Variants in ABCA13 observed in about 807,000 individuals in gnomAD.
The protein encoded by ABCA13 is ATP-binding cassette sub-family A member 13.
Under a neutral mutation model 478.7 loss-of-function variants are expected in ABCA13, and 476 were observed. That is an observed-to-expected ratio of 0.99 (90% confidence interval 0.92 to 1.07). The LOEUF (loss-of-function observed/expected upper bound fraction) is 1.07, where lower values mean the gene tolerates loss of function less well. Ranked by LOEUF, ABCA13 falls within the 50% of genes least tolerant of loss-of-function variation. The pLI is 0.00. For synonymous variants in ABCA13, 2,252 were observed against 2,158.9 expected (o/e 1.04, Z -1.20); for missense variants, 6,060 against 5,910.6 (o/e 1.03, Z -0.83).
chr7:48,476,537 C>T (rs558324781), intron 45 of ABCA13, among the ~76,000 whole-genome samples: 46 of 150,784 alleles, frequency 3.1e-4, no homozygotes, highest in African/African-American at 9.8e-4. Context: ...GGTTGGGGAG[C>T]GGGGAGCTAG....
intron 59 of ABCA13, among the ~76,000 whole-genome samples, chr7:48,630,450 A>G (rs1442025654): frequency 6.6e-6 from 1 of 152,124 alleles, no homozygotes; most frequent in Non-Finnish European, 1.5e-5. Flanking sequence ...AGTTAGGTTA[A>G]TGGGCCCCAG....
At chr7:48,194,492 G>T (rs947533909) in intron 2 of ABCA13, among the ~76,000 whole-genome samples, 4 of 152,034 alleles carry the variant, frequency 2.6e-5, no homozygotes, top group African/African-American at 9.7e-5. Flanking sequence ...ACTATTACTG[G>T]TAACTTCCTG....
intron 57 of ABCA13, among the ~76,000 whole-genome samples, chr7:48,592,743 A>T (rs1435799876): frequency 6.6e-6 from 1 of 151,986 alleles, no homozygotes; most frequent in East Asian, 1.9e-4. Context: ...TTTGCATTAC[A>T]TATATAGTAC....
At chr7:48,182,791 G>A (rs1331857081) in intron 1 of ABCA13, among the ~76,000 whole-genome samples, 1 of 152,120 alleles carries the variant, frequency 6.6e-6, no homozygotes, top group African/African-American at 2.4e-5. Context: ...TGGAAGCCTC[G>A]ACTCCTAACT....
chr7:48,545,825 T>C (rs979807893), intron 55 of ABCA13, among the ~76,000 whole-genome samples: 2 of 149,224 alleles, frequency 1.3e-5, no homozygotes, highest in Non-Finnish European at 3.0e-5. Context: ...AAACAAATGA[T>C]GTACTGCTAA....
chr7:48,383,554 G>A (rs745539329), intron 35 of ABCA13, among the ~76,000 whole-genome samples: 14 of 152,184 alleles, frequency 9.2e-5, no homozygotes, highest in Non-Finnish European at 2.1e-4. Flanking sequence ...GACTTCATTT[G>A]GAACAGGCAA....
At position 48,528,300 on chromosome 7, in the gene ABCA13, A is replaced by G. The variant is rs1833010347; in HGVS notation, c.14309A>G (p.Glu4770Gly). 6.3e-7 allele frequency: 1 copy of G among 1,575,690 alleles called. No individual in the cohort carries two copies. The highest frequency in any genetic ancestry group is 1.3e-5 in the African/African-American group (1 of 74,340). ...KSTTFKMLNG[E>G]VSLTSGHAII... ...ACGACTTTCAAAATGCTGAATGGTGAAGTTTCTCTAACTTCAGGACATGCT... is the reference window on the plus strand; with the variant it reads ...ACGACTTTCAAAATGCTGAATGGTGGAGTTTCTCTAACTTCAGGACATGCT... The change falls in exon 55 of 62, where the codon GAA (glutamate) becomes GGA (glycine). Residue 4770 changes from glutamate to glycine, a missense_variant. Physicochemically the swap from Glu to Gly is moderately conservative, Grantham distance 98. Around this residue, in one of 3 missense-constraint regions of ABCA13, gnomAD observed 1,627 missense variants for 1,571.0 expected, o/e 1.04. Coordinates refer to ENST00000435803, the MANE Select transcript of ABCA13 (RefSeq NM_152701.5).
intron 55 of ABCA13, among the ~76,000 whole-genome samples, chr7:48,556,694 T>C (rs955047964): frequency 6.6e-6 from 1 of 152,032 alleles, no homozygotes; most frequent in Admixed American, 6.6e-5. Context: ...TCTATGTGTA[T>C]TTTTATAGGA....
At chr7:48,557,976 C>T (rs1196547014) in intron 55 of ABCA13, among the ~76,000 whole-genome samples, 1 of 151,982 alleles carries the variant, frequency 6.6e-6, no homozygotes, top group Non-Finnish European at 1.5e-5. Flanking sequence ...TATATGCGTG[C>T]TTCATTCTTG....
intron 54 of ABCA13, among the ~76,000 whole-genome samples, chr7:48,526,832 A>G (rs1251207482): frequency 6.6e-6 from 1 of 152,198 alleles, no homozygotes; most frequent in East Asian, 1.9e-4. Context: ...CTAGAAATTA[A>G]TAATCAGTTA....
At chr7:48,476,771 A>T (rs1337814218) in intron 45 of ABCA13, among the ~76,000 whole-genome samples, 1 of 152,176 alleles carries the variant, frequency 6.6e-6, no homozygotes, top group Admixed American at 6.5e-5. Flanking sequence ...ATATATGACC[A>T]GGTAAGTGAG....
chr7:48,376,593 A>G (rs754743625), intron 35 of ABCA13, 21 bp downstream of exon 35: 1 of 1,609,872 alleles, frequency 6.2e-7, no homozygotes. Context: ...TGCCTTTTGT[A>G]AGATAACACA....
chr7:48,438,884 G>GTTTTGTTTTTTT (rs377348909), intron 42 of ABCA13, among the ~76,000 whole-genome samples: 1 of 139,400 alleles, frequency 7.2e-6, no homozygotes. Flanking sequence ...TTTTGCTAAG[G>GTTTTGTTTTTTT]TTTTTTTTTT....
intron 55 of ABCA13, among the ~76,000 whole-genome samples, chr7:48,543,999 G>A (rs1784586312): frequency 6.6e-6 from 1 of 151,594 alleles, no homozygotes; most frequent in Admixed American, 6.6e-5. Flanking sequence ...ATTTATTCTA[G>A]TAAATAATTG....
chr7:48,218,051 G>A, intron 3 of ABCA13, among the ~76,000 whole-genome samples: 1 of 152,112 alleles, frequency 6.6e-6, no homozygotes, highest in East Asian at 1.9e-4. Flanking sequence ...GATTTTCTAT[G>A]TATTTTTCTG....
intron 58 of ABCA13, among the ~76,000 whole-genome samples, chr7:48,613,680 A>G (rs10253638): frequency 0.26 from 38,468 of 150,450 alleles, 5,951 homozygotes; most frequent in African/African-American, 0.34. Context: ...GTTGTATAGA[A>G]AATATTTATG....
chr7:48,183,886 C>G (rs909878424), intron 1 of ABCA13, among the ~76,000 whole-genome samples: 43 of 152,076 alleles, frequency 2.8e-4, no homozygotes, highest in African/African-American at 1.0e-3. Context: ...TTGAGCATAC[C>G]TCTTGGTTCA....
At chr7:48,542,050 C>G (rs768768156) in intron 55 of ABCA13, among the ~76,000 whole-genome samples, 68 of 151,322 alleles carry the variant, frequency 4.5e-4, no homozygotes, top group Non-Finnish European at 8.3e-4. Flanking sequence ...GGCAAAGACA[C>G]TACTAAATAA....
At chr7:48,512,860 C>T (rs944735277) in intron 51 of ABCA13, among the ~76,000 whole-genome samples, 3 of 152,206 alleles carry the variant, frequency 2.0e-5, no homozygotes, top group South Asian at 2.1e-4. Context: ...TGGTTAAGAA[C>T]TCTTAGGTTG....
Sources: gnomAD v4.1 joint callset for allele counts (sites outside exome capture counted in the v4.1 genomes callset) on GRCh38, gnomAD v4.1.1 for gene constraint, gnomAD v4.1.1 regional missense constraint, MANE v1.5 for transcripts, NCBI Gene and HGNC (gene_info 2026-07-23, HGNC 2026-07-21) for gene names.